SLC14A2: variants seen among roughly 807,000 people sequenced by gnomAD.
SLC14A2 encodes solute carrier family 14 member 2.
A neutral mutation model predicts 104.6 loss-of-function variants in SLC14A2; 91 were observed. The observed-to-expected ratio is 0.87, with a 90% CI of 0.73 to 1.04. The LOEUF (loss-of-function observed/expected upper bound fraction) is 1.04, where lower values mean the gene tolerates loss of function less well. SLC14A2 is among the 50% of genes least tolerant of loss of function. SLC14A2 has a pLI of 0.00. For synonymous variants in SLC14A2, 476 were observed against 466.4 expected, an observed-to-expected ratio of 1.02 and a Z score of -0.27; for missense variants, 1,189 against 1,156.0, an observed-to-expected ratio of 1.03 and a Z score of -0.41.
At chr18:45,328,596 T>A (rs1568153504) in intron 1 of SLC14A2, among the ~76,000 whole-genome samples, 1 of 152,130 alleles carries the variant, frequency 6.6e-6, no homozygotes, top group Non-Finnish European at 1.5e-5. Flanking sequence ...AGAATAACAA[T>A]AGGATTAAAT....
At chr18:45,189,799 G>A in the SLC14A2 span, among the ~76,000 whole-genome samples, 1 of 152,144 alleles carries the variant, frequency 6.6e-6, no homozygotes, top group Non-Finnish European at 1.5e-5. Flanking sequence ...TTGCTTGGGT[G>A]ATAATGGATG....
intron 1 of SLC14A2, among the ~76,000 whole-genome samples, chr18:45,460,398 C>T (rs1431090499): frequency 6.6e-6 from 1 of 152,162 alleles, no homozygotes; most frequent in Admixed American, 6.5e-5. Flanking sequence ...CTAGGGCTGC[C>T]CAGTCCACCT....
chr18:45,675,702 TATATATA>T (rs201880454), intron 18 of SLC14A2, among the ~76,000 whole-genome samples: 1 of 64,318 alleles, frequency 1.6e-5, no homozygotes, highest in African/African-American at 5.9e-5. Flanking sequence ...TATATATATA[TATATATA>T]TTTTTTTTTT....
rs894564962 is a variant in SLC14A2, at chr18:45,637,251, G to C, written c.843+69G>C. On this transcript the variant is annotated intron_variant, in intron 6 of 19. Transcript: ENST00000255226. ...TGCAGACCTTCTCGCCAACCAATTTGTGGACTATCCATGCTCTCAACTTCT... is the reference window on the plus strand; with the variant it reads ...TGCAGACCTTCTCGCCAACCAATTTCTGGACTATCCATGCTCTCAACTTCT... The C allele has an allele frequency of 9.3e-6, 12 of 1,295,840 alleles. No individual in the cohort carries two copies. In the African/African-American group the frequency reaches 1.8e-4, roughly 19 times the overall value. The allele number at this position is 1,295,840 out of a possible 1,614,324, so 80.3% of individuals were successfully genotyped here.
intron 1 of SLC14A2, among the ~76,000 whole-genome samples, chr18:45,214,369 T>C (rs2083989012): frequency 6.6e-6 from 1 of 152,150 alleles, no homozygotes; most frequent in Admixed American, 6.5e-5. Context: ...AGAATCTCGG[T>C]CTCTGGGTTG....
intron 2 of SLC14A2, among the ~76,000 whole-genome samples, chr18:45,584,639 G>A (rs545365811): frequency 3.6e-4 from 55 of 152,300 alleles, no homozygotes; most frequent in Non-Finnish European, 6.3e-4. Flanking sequence ...TCAAGGTGGC[G>A]AATGTAGGGC....
At chr18:45,666,259 A>C in intron 12 of SLC14A2, 40 bp downstream of exon 12, 1 of 1,385,716 alleles carries the variant, frequency 7.2e-7, no homozygotes, top group Non-Finnish European at 1.0e-6. Context: ...AGCGCCCTAC[A>C]GTCACAGAGC....
chr18:45,382,585 G>A (rs1042024173), intron 1 of SLC14A2, among the ~76,000 whole-genome samples: 1 of 152,162 alleles, frequency 6.6e-6, no homozygotes, highest in Non-Finnish European at 1.5e-5. Context: ...TTCCTATCCT[G>A]AATTATAGAA....
intron 1 of SLC14A2, among the ~76,000 whole-genome samples, chr18:45,233,791 C>CACAGTGCCCCCACCT (rs1221802621): frequency 6.7e-6 from 1 of 148,922 alleles, no homozygotes; most frequent in African/African-American, 2.5e-5. Context: ...TTCCCCCACC[C>CACAGTGCCCCCACCT]ACAGTGCCCC....
At chr18:45,651,768 G>A (rs2045741796) in intron 10 of SLC14A2, among the ~76,000 whole-genome samples, 1 of 152,186 alleles carries the variant, frequency 6.6e-6, no homozygotes, top group Non-Finnish European at 1.5e-5. Flanking sequence ...AAAAAGGTAA[G>A]AACATGAAGA....
At chr18:45,562,039 C>T (rs2044206627) in intron 2 of SLC14A2, among the ~76,000 whole-genome samples, 1 of 152,116 alleles carries the variant, frequency 6.6e-6, no homozygotes, top group South Asian at 2.1e-4. Flanking sequence ...AATTCCTGTG[C>T]CTATTTCCTG....
intron 2 of SLC14A2, among the ~76,000 whole-genome samples, chr18:45,503,776 G>T (rs1162156597): frequency 8.1e-6 from 1 of 123,114 alleles, no homozygotes; most frequent in Non-Finnish European, 1.8e-5. Flanking sequence ...TACCTCACCT[G>T]CTGATCTGCT....
chr18:45,453,911 G>A (rs1282350805), intron 1 of SLC14A2, among the ~76,000 whole-genome samples: 1 of 130,868 alleles, frequency 7.6e-6, no homozygotes, highest in Non-Finnish European at 1.5e-5. Context: ...CCAGGCTGCA[G>A]TGCAGTGGCA....
At chr18:45,310,945 G>C (rs10163882) in intron 1 of SLC14A2, among the ~76,000 whole-genome samples, 1 of 152,308 alleles carries the variant, frequency 6.6e-6, no homozygotes, top group East Asian at 1.9e-4. Context: ...TGTTGGCCTA[G>C]AGGGGCCTGG....
rs2045559816 is a variant in SLC14A2, at chr18:45,643,199, T to C, written c.1176+18T>C. On this transcript the variant is annotated intron_variant, in intron 9 of 19. Transcript: ENST00000255226. ...TGTCAGTGGTAAGTGTGGATTCTCC[T>C]GAACACTACCCCAAAGTGCTCTTCC... is the stretch of plus-strand genomic sequence containing the variant. The C allele has an allele frequency of 1.9e-6, 3 of 1,610,658 alleles. No individual in the cohort carries two copies. The highest frequency in any genetic ancestry group is 2.5e-6 in the Non-Finnish European group (3 of 1,176,748).
At chr18:45,673,330 A>G (rs1893791) in intron 17 of SLC14A2, among the ~76,000 whole-genome samples, 25,912 of 152,178 alleles carry the variant, frequency 0.17, 2,850 homozygotes, top group East Asian at 0.31. Flanking sequence ...GTGATCTGCA[A>G]TGACAGCAAG....
chr18:45,355,379 G>C (rs2085542657), intron 1 of SLC14A2, among the ~76,000 whole-genome samples: 2 of 151,872 alleles, frequency 1.3e-5, no homozygotes, highest in Admixed American at 6.6e-5. Context: ...TTCGAGACCA[G>C]CCTGACCAAT....
At chr18:45,526,598 G>A (rs2043596219) in intron 2 of SLC14A2, among the ~76,000 whole-genome samples, 1 of 152,152 alleles carries the variant, frequency 6.6e-6, no homozygotes, top group African/African-American at 2.4e-5. Flanking sequence ...GATAAGAAGT[G>A]ATTTTGGAGT....
chr18:45,416,687 C>T (rs1014146240), intron 1 of SLC14A2, among the ~76,000 whole-genome samples: 1 of 152,064 alleles, frequency 6.6e-6, no homozygotes, highest in African/African-American at 2.4e-5. Flanking sequence ...ATCTAGAACT[C>T]ATTAACATGA....
Sources: gnomAD v4.1 joint callset for allele counts (sites outside exome capture counted in the v4.1 genomes callset) on GRCh38, gnomAD v4.1.1 for gene constraint, MANE v1.5 for transcripts, NCBI Gene and HGNC (gene_info 2026-07-23, HGNC 2026-07-21) for gene names.